Variants in AKAP12 observed in about 807,000 individuals in gnomAD.
The protein encoded by AKAP12 is A-kinase anchor protein 12.
AKAP12 carries 32 observed loss-of-function variants against 79.9 expected under a neutral mutation model. The ratio of observed to expected loss-of-function variants is 0.40; its 90% confidence interval spans 0.30 to 0.54. AKAP12 has a LOEUF of 0.54. AKAP12 is among the 20% of genes least tolerant of loss of function. The probability of loss-of-function intolerance (pLI) is 0.48; values close to 1 mark genes in which losing one functional copy is unlikely to be tolerated. For missense variants in AKAP12, 2,074 were observed against 2,177.0 expected, an observed-to-expected ratio of 0.95 and a Z score of 0.94; for synonymous variants, 808 against 857.0, an observed-to-expected ratio of 0.94 and a Z score of 1.00.
intron 2 of AKAP12, among the ~76,000 whole-genome samples, chr6:151,272,840 T>G (rs1461522278): frequency 3.3e-5 from 5 of 151,594 alleles, no homozygotes; most frequent in African/African-American, 1.2e-4. Context: ...CCCATGAGAT[T>G]TATTTTTATA....
intron 2 of AKAP12, among the ~76,000 whole-genome samples, chr6:151,258,433 A>G (rs1203491918): frequency 6.6e-6 from 1 of 152,172 alleles, no homozygotes; most frequent in East Asian, 1.9e-4. Flanking sequence ...TTTTTCCTTG[A>G]GTCTGATCAC....
At chr6:151,255,928 G>A (rs937867939) in intron 2 of AKAP12, among the ~76,000 whole-genome samples, 1 of 152,056 alleles carries the variant, frequency 6.6e-6, no homozygotes, top group Non-Finnish European at 1.5e-5. Flanking sequence ...CCAGTGTTCA[G>A]CACTGCAGGG....
chr6:151,348,697 C>CCCCCTCTTTT lies in AKAP12; in HGVS notation c.320-14_320-13insCCCCTCTTTT. ...TTCTCTTCTCCCCACCCCCCCGCCC[C>CCCCCTCTTTT]TTTTTGTTAATAGTTGGACAGAGAG... On this transcript the variant is annotated splice_polypyrimidine_tract_variant and intron_variant, in intron 3 of 4. Transcript: ENST00000402676. The CCCCCTCTTTT allele has an allele frequency of 1.5e-6, 1 of 650,664 alleles. No individual in the cohort carries two copies. Among genetic ancestry groups the CCCCCTCTTTT allele is most frequent in the Non-Finnish European group, 2.4e-6 (1 of 420,006 alleles). 40.3% of individuals were successfully genotyped at this position (650,664 alleles called of 1,614,324 possible).
chr6:151,350,264 C>A lies in AKAP12; in HGVS notation c.1873C>A (p.Arg625=). Residue 625 remains arginine (R), a synonymous_variant, in exon 4 of 5, where the codon CGG becomes AGG. Transcript: ENST00000402676. This position sits in a 1 kb window ranked among gnomAD's most constrained non-coding sequence, Gnocchi z 4.8. The part of the protein sequence containing the change: ...KMVTPKKRVR[R]PSESDKEDEL... Reference sequence around the variant, plus strand: ...GGTGACGCCCAAGAAGCGTGTTAGACGGCCTTCGGAAAGTGATAAAGAAGA... The same window carrying A: ...GGTGACGCCCAAGAAGCGTGTTAGAAGGCCTTCGGAAAGTGATAAAGAAGA... 1 of 1,613,924 alleles carries A rather than the reference C, an allele frequency of 6.2e-7. No individual in the cohort carries two copies. Among genetic ancestry groups the A allele is most frequent in the Non-Finnish European group, 8.5e-7 (1 of 1,180,000 alleles).
chr6:151,288,709 C>A (rs1776556827), intron 2 of AKAP12, among the ~76,000 whole-genome samples: 1 of 152,180 alleles, frequency 6.6e-6, no homozygotes, highest in Admixed American at 6.5e-5. Flanking sequence ...TACCCCCGTT[C>A]AGAAGTCACA....
intron 3 of AKAP12, among the ~76,000 whole-genome samples, chr6:151,308,897 C>T (rs1484846514): frequency 2.6e-5 from 4 of 152,076 alleles, no homozygotes; most frequent in Non-Finnish European, 5.9e-5. Context: ...TGTTTTGAGA[C>T]GGAGTCTTGC....
chr6:151,295,105 G>A (rs926256139), intron 2 of AKAP12, among the ~76,000 whole-genome samples: 9 of 152,328 alleles, frequency 5.9e-5, no homozygotes, highest in Admixed American at 2.0e-4. Context: ...TGCTCTCAGA[G>A]ACCGGTTTGA....
intron 3 of AKAP12, chr6:151,325,539 C>T (rs1183293647): frequency 5.3e-5 from 66 of 1,234,402 alleles, no homozygotes; most frequent in Non-Finnish European, 6.5e-5. Context: ...TTGTGCGGCC[C>T]GGGCGGGGAA....
rs549478741 is a variant in AKAP12, at chr6:151,334,108, CA to C, written c.320-14598del. Among the ~76,000 whole-genome samples, 24 of 151,904 alleles carry C rather than the reference CA, an allele frequency of 1.6e-4. No homozygotes were observed. The South Asian group carries it at 4.6e-3, about 29-fold the overall frequency. ...AACATAGCCAGTTCCTCCATCTCTA[CA>C]AAAACAAACACAAAACAAAAACAGA... On this transcript the variant is annotated intron_variant, in intron 3 of 4. Transcript: ENST00000402676.
chr6:151,319,477 CTATCTATCTACT>C (rs1191161159), intron 3 of AKAP12, among the ~76,000 whole-genome samples: 2 of 145,420 alleles, frequency 1.4e-5, no homozygotes, highest in Non-Finnish European at 3.0e-5. Context: ...ATCTATCTAT[CTATCTATCTACT>C]ATCTATAACT....
At chr6:151,307,338 G>A (rs1776997910) in intron 3 of AKAP12, among the ~76,000 whole-genome samples, 1 of 152,144 alleles carries the variant, frequency 6.6e-6, no homozygotes, top group South Asian at 2.1e-4. Flanking sequence ...TCACTGTGCC[G>A]GGCAGGTTCG....
intron 2 of AKAP12, among the ~76,000 whole-genome samples, chr6:151,257,357 C>T (rs966329258): frequency 6.6e-5 from 10 of 152,226 alleles, no homozygotes; most frequent in African/African-American, 1.9e-4. Flanking sequence ...AGTGCAGCGG[C>T]GTGATCTCAA....
In AKAP12 at chr6:151,240,584, G is replaced by A. The variant is rs889872216; in HGVS notation, c.22G>A (p.Glu8Lys). 1.7e-5 allele frequency: 24 copies of A among 1,447,034 alleles called. No homozygotes were observed. Among genetic ancestry groups the A allele is most frequent in the Middle Eastern group, 4.9e-4 (2 of 4,108 alleles). 89.6% of individuals were successfully genotyped at this position (1,447,034 alleles called of 1,614,324 possible). Residue 8 changes from glutamate (E) to lysine (K), a missense_variant, in exon 2 of 5, where the codon GAG becomes AAG. Around this residue, in one of 3 missense-constraint regions of AKAP12, gnomAD observed 1,428 missense variants for 1,451.0 expected, o/e 0.98. Coordinates refer to ENST00000402676, the MANE Select transcript of AKAP12 (RefSeq NM_005100.4). ...AGCCATGGGCGCCGGGAGCTCCACC[G>A]AGCAGCGCAGCCCGGAGCAGCCGCC... is the stretch of plus-strand genomic sequence containing the variant. MGAGSST[E>K]QRSPEQPPEG...
chr6:151,254,981 A>G (rs534537541), intron 2 of AKAP12, among the ~76,000 whole-genome samples: 1 of 152,312 alleles, frequency 6.6e-6, no homozygotes, highest in South Asian at 2.1e-4. Flanking sequence ...TTCAGAACCC[A>G]GCTTGTTCTT....
intron 2 of AKAP12, among the ~76,000 whole-genome samples, chr6:151,263,609 C>T (rs1483701939): frequency 6.7e-6 from 1 of 149,780 alleles, no homozygotes; most frequent in African/African-American, 2.5e-5. Context: ...TTTTGAGTTT[C>T]ACTCTGTTGC....
intron 3 of AKAP12, chr6:151,324,402 G>A (rs1217792482): frequency 2.0e-6 from 2 of 985,310 alleles, no homozygotes; most frequent in African/African-American, 3.5e-5. Context: ...GGGCCCGAGT[G>A]TGGTGCATCG....
chr6:151,306,606 C>G (rs771178942), intron 3 of AKAP12, among the ~76,000 whole-genome samples: 4 of 152,064 alleles, frequency 2.6e-5, no homozygotes, highest in Admixed American at 6.5e-5. Flanking sequence ...TAAATTGATT[C>G]GTGTAATATG....
At chr6:151,310,986 T>A (rs558069896) in intron 3 of AKAP12, among the ~76,000 whole-genome samples, 2 of 152,108 alleles carry the variant, frequency 1.3e-5, no homozygotes, top group Non-Finnish European at 2.9e-5. Context: ...GTTTTTTTTT[T>A]AAAGAGGCCC....
At position 151,304,488 on chromosome 6, in the gene AKAP12, C is replaced by CAAAAAAAAAAAAAAAAAAA. The variant is rs1157088954; in HGVS notation, c.163-1246_163-1228dup. Among the ~76,000 whole-genome samples the CAAAAAAAAAAAAAAAAAAA allele has an allele frequency of 1.2e-3, 56 of 45,996 alleles. 9 individuals carry two copies. Among genetic ancestry groups the CAAAAAAAAAAAAAAAAAAA allele is most frequent in the Middle Eastern group, 0.022 (1 of 46 alleles). The allele number at this position is 45,996 out of a possible 152,430, so 30.2% of individuals were successfully genotyped here. A position where few individuals can be genotyped will look rare whatever the true frequency, so the allele number is the denominator to read the frequency against. On this transcript the variant is annotated intron_variant, in intron 2 of 4. Coordinates refer to ENST00000402676, the MANE Select transcript of AKAP12 (RefSeq NM_005100.4). ...TGGGTGAAACAGTGACACTCCATCT[C>CAAAAAAAAAAAAAAAAAAA]AAAAAAAAAAAAAAAAAAAAAAAAA...
Sources: gnomAD v4.1 joint callset for allele counts (sites outside exome capture counted in the v4.1 genomes callset) on GRCh38, gnomAD v4.1.1 for gene constraint, gnomAD v4.1.1 regional missense constraint, Gnocchi (gnomAD v3.1) non-coding constraint, MANE v1.5 for transcripts, NCBI Gene and HGNC (gene_info 2026-07-23, HGNC 2026-07-21) for gene names.